Variants in MGAT4C observed in about 807,000 individuals in gnomAD.
MGAT4C encodes the protein alpha-1,3-mannosyl-glycoprotein 4-beta-N-acetylglucosaminyltransferase C.
In MGAT4C, 19 loss-of-function variants were observed where a neutral mutation model predicts 40.1. The observed-to-expected ratio is 0.47, with a 90% CI of 0.33 to 0.70. The LOEUF (loss-of-function observed/expected upper bound fraction) is 0.70. Among genes scored for constraint, MGAT4C ranks in the 30% least tolerant of loss-of-function variants. The pLI, the probability that MGAT4C is intolerant of heterozygous loss-of-function variation, is 0.02. For missense variants in MGAT4C, 491 were observed against 563.2 expected (o/e 0.87, Z 1.30); for synonymous variants, 181 against 187.1 (o/e 0.97, Z 0.27).
chr12:86,518,083 G>A (rs1295108655), intron 2 of MGAT4C, among the ~76,000 whole-genome samples: 1 of 152,204 alleles, frequency 6.6e-6, no homozygotes, highest in Non-Finnish European at 1.5e-5. Context: ...TATGGGGCAA[G>A]ATGAGAAGTG....
intron 4 of MGAT4C, among the ~76,000 whole-genome samples, chr12:86,330,049 A>G (rs1954624922): frequency 6.6e-6 from 1 of 152,206 alleles, no homozygotes; most frequent in Non-Finnish European, 1.5e-5. Context: ...GCTACCTACA[A>G]ATATAGACTT....
At chr12:86,126,627 TTAAA>T (rs1880312577) in intron 1 of MGAT4C, among the ~76,000 whole-genome samples, 1 of 152,200 alleles carries the variant, frequency 6.6e-6, no homozygotes, top group African/African-American at 2.4e-5. Context: ...AATCACTATC[TTAAA>T]TAATTCATTT....
At chr12:86,183,097 T>C (rs1888309894) in intron 1 of MGAT4C, among the ~76,000 whole-genome samples, 1 of 152,210 alleles carries the variant, frequency 6.6e-6, no homozygotes, top group South Asian at 2.1e-4. Flanking sequence ...CTACACTACT[T>C]GGTAAAAGTA....
intron 2 of MGAT4C, among the ~76,000 whole-genome samples, chr12:86,564,851 G>A (rs952898418): frequency 6.6e-6 from 1 of 152,140 alleles, no homozygotes; most frequent in African/African-American, 2.4e-5. Flanking sequence ...TCTGCAACAG[G>A]TCCAGGCTGC....
At position 86,270,135 on chromosome 12, in the gene MGAT4C, C is replaced by T. The variant is rs151046980; in HGVS notation, c.-57+63930G>A. Among the ~76,000 whole-genome samples, 418 of 152,126 alleles carry T rather than the reference C, an allele frequency of 2.7e-3. 3 individuals are homozygous for T. The highest frequency in any genetic ancestry group is 4.7e-3 in the Non-Finnish European group (319 of 67,994). On this transcript the variant is annotated intron_variant, in intron 4 of 7. Transcript: ENST00000548651. ...AGGCTGGAGTGCAGTGGCATGATCG[C>T]GGCTCACTGCAACATCTGCCCCCTG...
upstream of MGAT4C, among the ~76,000 whole-genome samples, chr12:86,257,861 A>G (rs962490425): frequency 6.6e-6 from 1 of 152,124 alleles, no homozygotes. Context: ...TCCACCACTT[A>G]CTATCTGTAA....
chr12:86,186,159 G>A (rs1888730287), intron 1 of MGAT4C, among the ~76,000 whole-genome samples: 1 of 152,060 alleles, frequency 6.6e-6, no homozygotes, highest in African/African-American at 2.4e-5. Context: ...TCACACTAGT[G>A]CCTTCCAACC....
intron 1 of MGAT4C, chr12:86,068,325 T>G (rs1164428276): frequency 6.6e-6 from 1 of 152,094 alleles, no homozygotes; most frequent in Admixed American, 6.6e-5. Context: ...TTCCCTCTAT[T>G]AGGAAAAGTA....
In MGAT4C at chr12:86,119,666, C is replaced by T. The variant is rs2653856; in HGVS notation, c.-56-69943G>A. On this transcript the variant is annotated intron_variant, in intron 1 of 4. Coordinates refer to ENST00000611864, the MANE Select transcript of MGAT4C (RefSeq NM_001351288.2). ...TCAGGTGATCCACCAGCCTCGGCCT[C>T]CCAAAGTGCTGGAATTACAGCGGTG... Among the ~76,000 whole-genome samples the T allele has an allele frequency of 2.7e-3, 410 of 151,840 alleles. 4 individuals carry two copies. Among genetic ancestry groups the T allele is most frequent in the African/African-American group, 9.6e-3 (399 of 41,410 alleles).
chr12:86,486,045 C>T (rs1369953422), intron 2 of MGAT4C, among the ~76,000 whole-genome samples: 1 of 152,042 alleles, frequency 6.6e-6, no homozygotes, highest in Non-Finnish European at 1.5e-5. Flanking sequence ...TCCATTATCG[C>T]TAGACAAGCC....
intron 2 of MGAT4C, among the ~76,000 whole-genome samples, chr12:86,686,323 C>CTT (rs1318719262): frequency 7.2e-5 from 11 of 152,076 alleles, no homozygotes; most frequent in Non-Finnish European, 1.6e-4. Flanking sequence ...TTTGAATATC[C>CTT]TTTATTTCTT....
At chr12:86,513,936 G>A (rs1046699480) in intron 2 of MGAT4C, among the ~76,000 whole-genome samples, 1 of 151,834 alleles carries the variant, frequency 6.6e-6, no homozygotes, top group Non-Finnish European at 1.5e-5. Flanking sequence ...TTACGAAAGG[G>A]GGCATAAAGG....
chr12:86,268,888 G>C (rs907700132), intron 4 of MGAT4C, among the ~76,000 whole-genome samples: 2 of 142,506 alleles, frequency 1.4e-5, no homozygotes, highest in African/African-American at 5.1e-5. Context: ...AAAAAGAAAG[G>C]GTGTTTTTTT....
chr12:86,522,313 G>C (rs1205354551), intron 2 of MGAT4C, among the ~76,000 whole-genome samples: 1 of 152,068 alleles, frequency 6.6e-6, no homozygotes, highest in Non-Finnish European at 1.5e-5. Flanking sequence ...TTAACATAAA[G>C]AGTGTTGAAA....
At chr12:86,579,836 T>G (rs1310769686) in intron 2 of MGAT4C, among the ~76,000 whole-genome samples, 1 of 151,562 alleles carries the variant, frequency 6.6e-6, no homozygotes, top group Non-Finnish European at 1.5e-5. Context: ...GGTTAAAAGA[T>G]TTTTCCTTCA....
intron 3 of MGAT4C, among the ~76,000 whole-genome samples, chr12:86,356,385 C>A (rs1955311104): frequency 6.6e-6 from 1 of 152,150 alleles, no homozygotes; most frequent in African/African-American, 2.4e-5. Context: ...GGAAGAACTC[C>A]AGTCTACAGC....
At chr12:86,115,639 A>C (rs1450588591) in intron 1 of MGAT4C, among the ~76,000 whole-genome samples, 2 of 152,064 alleles carry the variant, frequency 1.3e-5, no homozygotes, top group East Asian at 1.9e-4. Context: ...TCATCTTAGA[A>C]TAATTCATTG....
At chr12:86,062,730 C>A (rs572402021) in intron 1 of MGAT4C, among the ~76,000 whole-genome samples, 7 of 151,676 alleles carry the variant, frequency 4.6e-5, no homozygotes, top group Admixed American at 3.9e-4. Context: ...GAAGCATACA[C>A]AAGTATCAAT....
intron 2 of MGAT4C, among the ~76,000 whole-genome samples, chr12:86,633,371 C>T (rs936469180): frequency 1.3e-5 from 2 of 152,030 alleles, no homozygotes; most frequent in African/African-American, 4.8e-5. Flanking sequence ...AAGAATTTGT[C>T]ATGAGAAACT....
Sources: gnomAD v4.1 joint callset for allele counts (sites outside exome capture counted in the v4.1 genomes callset) on GRCh38, gnomAD v4.1.1 for gene constraint, MANE v1.5 for transcripts, NCBI Gene and HGNC (gene_info 2026-07-23, HGNC 2026-07-21) for gene names.